The following TMEM272 variants were observed in gnomAD, a reference collection of about 807,000 sequenced individuals.
The protein encoded by TMEM272 is long intergenic non-protein coding RNA 282.
A neutral mutation model predicts 3.7 loss-of-function variants in TMEM272; 8 were observed. The ratio of observed to expected loss-of-function variants is 2.17; its 90% CI spans 1.27 to 3.91. The LOEUF (loss-of-function observed/expected upper bound fraction) is 3.91. TMEM272 is among the 30% of genes most tolerant of loss of function. TMEM272 has a pLI of 0.00. For missense variants in TMEM272, 166 were observed against 91.5 expected (o/e 1.81, Z -3.32); for synonymous variants, 63 against 39.8 (o/e 1.58, Z -2.20).
chr13:51,931,096 A>G, the TMEM272 span, among the ~76,000 whole-genome samples: 1 of 152,198 alleles, frequency 6.6e-6, no homozygotes, highest in Non-Finnish European at 1.5e-5. Context: ...TATCAGGAAA[A>G]TGTGATCAAG....
At chr13:51,850,473 T>C in the TMEM272 span, among the ~76,000 whole-genome samples, 4 of 152,228 alleles carry the variant, frequency 2.6e-5, no homozygotes, top group Non-Finnish European at 2.9e-5. Flanking sequence ...CTTACATCAA[T>C]GAGCAATTAT....
chr13:51,866,418 A>G, the TMEM272 span, among the ~76,000 whole-genome samples: 9 of 152,154 alleles, frequency 5.9e-5, no homozygotes, highest in African/African-American at 1.9e-4. Flanking sequence ...GGCTCGGGCC[A>G]TGCCAGCTAG....
Position 51,817,017 on chromosome 13 carries a change from G to T in TMEM272, c.298C>A (p.Gln100Lys), listed in dbSNP as rs2139542858. The change falls in exon 5 of 5, where the codon CAG becomes AAG. Residue 100 changes from glutamine (Q) to lysine (K), a missense_variant. Coordinates refer to ENST00000629372, the MANE Select transcript of TMEM272 (RefSeq NM_001351003.2). ...DDDDDEYPWR[Q>K]NAHRYYIHLL... is the part of the protein sequence containing the mutation. ...TGGATGTAGTATCTGTGCGCATTCT[G>T]CCTCCAGGGGTATTCGTCATCGTCA... 1 of 703,026 alleles carries T rather than the reference G, an allele frequency of 1.4e-6. No homozygotes were observed. Among genetic ancestry groups the T allele is most frequent in the Admixed American group, 2.0e-5 (1 of 50,010 alleles). 43.5% of individuals were successfully genotyped at this position (703,026 alleles called of 1,614,324 possible).
chr13:51,867,932 C>G, the TMEM272 span, among the ~76,000 whole-genome samples: 1 of 152,164 alleles, frequency 6.6e-6, no homozygotes, highest in Admixed American at 6.5e-5. Flanking sequence ...CAAAAATCCC[C>G]AGAGATTCTG....
the TMEM272 span, among the ~76,000 whole-genome samples, chr13:51,872,148 C>G: frequency 6.6e-6 from 1 of 152,148 alleles, no homozygotes; most frequent in Admixed American, 6.5e-5. Context: ...TTGGAGGAAA[C>G]AGAGAATATA....
At chr13:51,905,208 G>A in the TMEM272 span, among the ~76,000 whole-genome samples, 1 of 152,198 alleles carries the variant, frequency 6.6e-6, no homozygotes, top group Non-Finnish European at 1.5e-5. Flanking sequence ...CGTGCAGGGA[G>A]AGAGACTGTC....
intron 2 of TMEM272, among the ~76,000 whole-genome samples, chr13:51,835,780 A>G (rs1566349902): frequency 6.6e-6 from 1 of 152,238 alleles, no homozygotes. Flanking sequence ...TAGAGCAAAC[A>G]TTCAGATACT....
chr13:51,887,226 T>C, the TMEM272 span, among the ~76,000 whole-genome samples: 1 of 152,190 alleles, frequency 6.6e-6, no homozygotes, highest in Non-Finnish European at 1.5e-5. Context: ...TTGAATGCCT[T>C]CACCAACTGG....
the TMEM272 span, among the ~76,000 whole-genome samples, chr13:51,877,585 G>A: frequency 6.6e-6 from 1 of 152,200 alleles, no homozygotes; most frequent in Admixed American, 6.5e-5. Flanking sequence ...CAAGAAAGTA[G>A]AAACAGCAAA....
chr13:51,910,018 C>G, the TMEM272 span: 4 of 1,514,596 alleles, frequency 2.6e-6, no homozygotes, highest in Non-Finnish European at 3.7e-6. Context: ...TCCAGTTTTT[C>G]TTCATTCATT....
At chr13:51,891,571 G>A in the TMEM272 span, among the ~76,000 whole-genome samples, 9 of 152,308 alleles carry the variant, frequency 5.9e-5, no homozygotes, top group African/African-American at 1.9e-4. Context: ...GGGAGGTGGT[G>A]AGGAGGGGAT....
the TMEM272 span, among the ~76,000 whole-genome samples, chr13:51,886,137 G>A: frequency 6.6e-6 from 1 of 152,154 alleles, no homozygotes; most frequent in Non-Finnish European, 1.5e-5. Flanking sequence ...CAAGGTAATG[G>A]TTTGGGAAGG....
At chr13:51,913,309 T>C in the TMEM272 span, among the ~76,000 whole-genome samples, 9 of 152,262 alleles carry the variant, frequency 5.9e-5, no homozygotes, top group Non-Finnish European at 1.3e-4. Context: ...TGAGGCAGTT[T>C]GCTTTTACCA....
chr13:51,876,912 A>C, the TMEM272 span, among the ~76,000 whole-genome samples: 3 of 152,174 alleles, frequency 2.0e-5, no homozygotes, highest in Non-Finnish European at 4.4e-5. Flanking sequence ...ATTTCTCTGG[A>C]AATCTGGAAA....
Position 51,816,723 on chromosome 13 carries a change from A to G in TMEM272, c.*28T>C. 1 of 683,168 alleles carries G rather than the reference A, an allele frequency of 1.5e-6. No homozygotes were observed. The highest frequency in any genetic ancestry group is 2.7e-6 in the Non-Finnish European group (1 of 373,104). 42.3% of individuals were successfully genotyped at this position (683,168 alleles called of 1,614,324 possible). On this transcript the variant is annotated 3_prime_UTR_variant, in exon 5 of 5. Transcript: ENST00000629372. Reference sequence around the variant, plus strand: ...CGCGCGTGCATGCACACGCATATGCATACATGGTATGCTGGACAAGGCAGC... The same window carrying G: ...CGCGCGTGCATGCACACGCATATGCGTACATGGTATGCTGGACAAGGCAGC...
At chr13:51,933,386 G>A in the TMEM272 span, 2 of 152,194 alleles carry the variant, frequency 1.3e-5, no homozygotes, top group South Asian at 2.1e-4. Flanking sequence ...TCTATCAAAA[G>A]TGCTGCTAAA....
the TMEM272 span, among the ~76,000 whole-genome samples, chr13:51,886,633 T>C: frequency 6.6e-6 from 1 of 152,230 alleles, no homozygotes; most frequent in African/African-American, 2.4e-5. Context: ...CTGAATTTTT[T>C]ACATCATTCT....
At chr13:51,903,572 A>T in the TMEM272 span, among the ~76,000 whole-genome samples, 23 of 151,980 alleles carry the variant, frequency 1.5e-4, no homozygotes, top group Non-Finnish European at 2.5e-4. Flanking sequence ...TCCCCAGAAC[A>T]CCCCTTTTTC....
chr13:51,887,148 C>T, the TMEM272 span, among the ~76,000 whole-genome samples: 1 of 152,214 alleles, frequency 6.6e-6, no homozygotes, highest in Non-Finnish European at 1.5e-5. Flanking sequence ...CGGTAAGTCT[C>T]ATAAACTTAG....
Sources: allele counts gnomAD v4.1 joint callset (sites outside exome capture counted in the v4.1 genomes callset), GRCh38; gene constraint gnomAD v4.1.1; transcripts MANE v1.5; gene names NCBI Gene and HGNC (gene_info 2026-07-23, HGNC 2026-07-21).